LRRC37B: variants seen among roughly 807,000 people sequenced by gnomAD.
LRRC37B encodes leucine rich repeat containing 37B.
In LRRC37B, 28 loss-of-function variants were observed where a neutral mutation model predicts 98.3. The observed-to-expected ratio is 0.28, with a 90% confidence interval of 0.21 to 0.39. LRRC37B has a LOEUF of 0.39. Ranked by LOEUF, LRRC37B falls within the 10% of genes least tolerant of loss-of-function variation. The probability of loss-of-function intolerance (pLI) is 1.00; values close to 1 mark genes in which losing one functional copy is unlikely to be tolerated. For synonymous variants in LRRC37B, 364 were observed against 442.7 expected (o/e 0.82, Z 2.23); for missense variants, 938 against 1,182.7 (o/e 0.79, Z 3.03).
At chr17:32,041,913 G>T (rs1181987890) in intron 7 of LRRC37B, 1 of 440,202 alleles carries the variant, frequency 2.3e-6, no homozygotes, top group South Asian at 1.6e-5. Flanking sequence ...CCAGCCCACA[G>T]CCTACCCTCG....
At chr17:32,014,725 G>C (rs530413606) in intron 1 of LRRC37B, among the ~76,000 whole-genome samples, 13 of 152,052 alleles carry the variant, frequency 8.5e-5, no homozygotes, top group East Asian at 5.8e-4. Context: ...TAGATAGATA[G>C]ATACATATAT....
intron 2 of LRRC37B, among the ~76,000 whole-genome samples, chr17:32,027,215 G>A (rs905993923): frequency 6.6e-6 from 1 of 152,144 alleles, no homozygotes; most frequent in African/African-American, 2.4e-5. Flanking sequence ...TGGAGGTTCT[G>A]CAGATCTTGG....
chr17:32,010,701 A>G (rs1910505883), intron 1 of LRRC37B, among the ~76,000 whole-genome samples: 1 of 152,216 alleles, frequency 6.6e-6, no homozygotes, highest in South Asian at 2.1e-4. Flanking sequence ...TGTTGACTCT[A>G]GTTACCCTAC....
At chr17:32,049,805 CAGT>C (rs1911695790) in intron 10 of LRRC37B, among the ~76,000 whole-genome samples, 195 bp from the exon 14 acceptor site, 1 of 151,914 alleles carries the variant, frequency 6.6e-6, no homozygotes, top group Admixed American at 6.6e-5. Flanking sequence ...GAGGTCGAGT[CAGT>C]AGTGAACTGT....
At chr17:32,016,137 T>A (rs1226627728), upstream of LRRC37B, among the ~76,000 whole-genome samples, 1 of 152,182 alleles carries the variant, frequency 6.6e-6, no homozygotes, top group African/African-American at 2.4e-5. Context: ...GAAGAGAACA[T>A]CCATGTAGAT....
At chr17:32,042,040 C>G (rs1448747371) in intron 7 of LRRC37B, 1 of 347,878 alleles carries the variant, frequency 2.9e-6, no homozygotes, top group African/African-American at 2.2e-5. Context: ...TAGCCCCACT[C>G]CAGGGCCACA....
chr17:32,051,005 A>G (rs1183469645), intron 11 of LRRC37B: 1 of 152,210 alleles, frequency 6.6e-6, no homozygotes, highest in African/African-American at 2.4e-5. Flanking sequence ...CTCATTGGCC[A>G]TTTCCATTAT....
At chr17:32,045,587 A>G (rs922229871) in intron 7 of LRRC37B, 113 bp from the exon 11 acceptor site, 60 of 1,280,286 alleles carry the variant, frequency 4.7e-5, no homozygotes, top group East Asian at 2.8e-4. Flanking sequence ...TGTCCAGTCC[A>G]CGGGTCTCAG....
chr17:32,025,617 C>T (rs1010726106), intron 2 of LRRC37B, among the ~76,000 whole-genome samples: 1 of 152,128 alleles, frequency 6.6e-6, no homozygotes, highest in African/African-American at 2.4e-5. Context: ...TAATTTCTTT[C>T]CTTCCTAGGA....
At chr17:32,045,204 A>G (rs980245968) in intron 7 of LRRC37B, among the ~76,000 whole-genome samples, 1 of 152,114 alleles carries the variant, frequency 6.6e-6, no homozygotes, top group Non-Finnish European at 1.5e-5. Flanking sequence ...TGAATGCTCA[A>G]ATTGTCCAGA....
exon 1 of LRRC37B, chr17:32,022,301 G>A (rs750937391): frequency 6.2e-7 from 1 of 1,613,910 alleles, no homozygotes; most frequent in Non-Finnish European, 8.5e-7. Context: ...CAGCCCTGAG[G>A]ACTACAGATC....
At chr17:32,033,366 G>A (rs1056638395) in intron 5 of LRRC37B, among the ~76,000 whole-genome samples, 1 of 151,074 alleles carries the variant, frequency 6.6e-6, no homozygotes, top group African/African-American at 2.4e-5. Context: ...AGGGAAAGAA[G>A]GAGGGAGGGA....
chr17:32,034,244 G>T (rs1166794636), intron 5 of LRRC37B, among the ~76,000 whole-genome samples: 1 of 152,102 alleles, frequency 6.6e-6, no homozygotes, highest in Admixed American at 6.5e-5. Flanking sequence ...TCTCAGGCCT[G>T]TAATCCTAAC....
exon 10 of LRRC37B, chr17:32,049,246 T>C (rs1282891181): frequency 6.2e-6 from 10 of 1,612,648 alleles, no homozygotes; most frequent in Non-Finnish European, 7.6e-6. Context: ...GCCAAGCTCA[T>C]GTTGCGAACA....
intron 3 of LRRC37B, among the ~76,000 whole-genome samples, chr17:32,030,159 T>G (rs1911072523): frequency 6.6e-6 from 1 of 152,130 alleles, no homozygotes; most frequent in Admixed American, 6.5e-5. Context: ...ATTAATTGTA[T>G]TAATATGATT....
chr17:32,021,033 G>C (rs1362988254), exon 1 of LRRC37B: 1 of 1,592,570 alleles, frequency 6.3e-7, no homozygotes, highest in South Asian at 1.1e-5. Context: ...CCTAATAAAG[G>C]TGACATAAAT....
At chr17:32,037,554 C>T (rs563336906) in intron 7 of LRRC37B, among the ~76,000 whole-genome samples, 3 of 152,180 alleles carry the variant, frequency 2.0e-5, no homozygotes, top group African/African-American at 4.8e-5. Flanking sequence ...GCGTGAGCCA[C>T]GATGCATGGC....
intron 7 of LRRC37B, among the ~76,000 whole-genome samples, chr17:32,036,976 A>AC (rs1911260922): frequency 1.9e-5 from 1 of 51,666 alleles, no homozygotes. Context: ...CATCTTCAGC[A>AC]TTTTTTTTTT....
chr17:32,010,156 C>A (rs1910493736), intron 1 of LRRC37B, among the ~76,000 whole-genome samples: 1 of 152,196 alleles, frequency 6.6e-6, no homozygotes, highest in African/African-American at 2.4e-5. Context: ...CATCTAACAA[C>A]TCTGCCTAAC....
Sources: gnomAD v4.1 joint callset for allele counts (sites outside exome capture counted in the v4.1 genomes callset) on GRCh38, gnomAD v4.1.1 for gene constraint, MANE v1.5 for transcripts, NCBI Gene and HGNC (gene_info 2026-07-23, HGNC 2026-07-21) for gene names.